AAK1: variants seen among roughly 807,000 people sequenced by gnomAD.
The protein encoded by AAK1 is AP2 associated kinase 1.
In AAK1, 37 loss-of-function variants were observed where a neutral mutation model predicts 116.0. The observed-to-expected ratio is 0.32, with a 90% CI of 0.25 to 0.42. The LOEUF (loss-of-function observed/expected upper bound fraction) is 0.42. Ranked by LOEUF, AAK1 falls within the 10% of genes least tolerant of loss-of-function variation. The pLI, the probability that AAK1 is intolerant of heterozygous loss-of-function variation, is 1.00. For synonymous variants in AAK1, 458 were observed against 439.9 expected (o/e 1.04, Z -0.51); for missense variants, 919 against 1,170.6 (o/e 0.79, Z 3.14).
chr2:69,627,774 C>T (rs1204379667), intron 2 of AAK1, among the ~76,000 whole-genome samples: 2 of 152,174 alleles, frequency 1.3e-5, no homozygotes, highest in African/African-American at 4.8e-5. Context: ...GGTTTTATGA[C>T]AACTCCCACT....
chr2:69,549,157 T>G (rs1671065646), intron 3 of AAK1, among the ~76,000 whole-genome samples: 1 of 151,958 alleles, frequency 6.6e-6, no homozygotes, highest in Non-Finnish European at 1.5e-5. Context: ...TTACCTGAGG[T>G]CAGGAGTTCG....
chr2:69,471,797 T>C lies in AAK1; in HGVS notation c.*4072A>G. ...AAAGATCCCTTCATTCCCACAGCAC[T>C]GCTGAAGGCAGAACTGTTCCTAACC... On this transcript the variant is annotated 3_prime_UTR_variant, in exon 22 of 22. Transcript: ENST00000409085. The C allele has an allele frequency of 3.0e-6, 3 of 985,492 alleles. No individual in the cohort carries two copies. Among genetic ancestry groups the C allele is most frequent in the Non-Finnish European group, 3.6e-6 (3 of 829,952 alleles). 61.0% of individuals were successfully genotyped at this position (985,492 alleles called of 1,614,324 possible).
chr2:69,548,088 G>T (rs918034725), intron 3 of AAK1, among the ~76,000 whole-genome samples: 5 of 152,150 alleles, frequency 3.3e-5, no homozygotes, highest in African/African-American at 1.2e-4. Context: ...CTGTGGAGAG[G>T]GGGAATAAGG....
intron 2 of AAK1, among the ~76,000 whole-genome samples, chr2:69,561,115 A>G (rs1205803463): frequency 6.6e-6 from 1 of 152,216 alleles, no homozygotes; most frequent in East Asian, 1.9e-4. Context: ...AATGCTGTTC[A>G]GGTCACCATA....
At chr2:69,607,663 A>T (rs1673869848) in intron 2 of AAK1, among the ~76,000 whole-genome samples, 1 of 152,114 alleles carries the variant, frequency 6.6e-6, no homozygotes, top group Non-Finnish European at 1.5e-5. Flanking sequence ...CCTATTTCTA[A>T]CTCAGTAATT....
At chr2:69,482,407 T>A in intron 18 of AAK1, 1 of 580,070 alleles carries the variant, frequency 1.7e-6, no homozygotes, top group Non-Finnish European at 3.1e-6. Context: ...TCAGTAAAGG[T>A]AGTCTAGTTA....
At position 69,587,207 on chromosome 2, in the gene AAK1, C is replaced by G. The variant is rs114277529; in HGVS notation, c.164-30229G>C. Among the ~76,000 whole-genome samples the G allele has an allele frequency of 9.4e-3, 1,419 of 151,678 alleles. 20 individuals are homozygous for G. The highest frequency in any genetic ancestry group is 0.031 in the African/African-American group (1,275 of 41,292). On this transcript the variant is annotated intron_variant, in intron 2 of 21. Transcript: ENST00000409085. ...TCAAGCAATCCTTCCATCTCAGCCT[C>G]TCGAATAGCTAGGACTACAGGGGCT...
intron 2 of AAK1, among the ~76,000 whole-genome samples, chr2:69,635,418 A>T (rs1350551093): frequency 6.6e-6 from 1 of 152,242 alleles, no homozygotes; most frequent in Admixed American, 6.5e-5. Context: ...TAGGATTACC[A>T]TATGACCTAG....
At chr2:69,641,268 G>C (rs1287590381) in intron 2 of AAK1, among the ~76,000 whole-genome samples, 1 of 152,204 alleles carries the variant, frequency 6.6e-6, no homozygotes, top group African/African-American at 2.4e-5. Flanking sequence ...GGGGAGGAAA[G>C]TGTTCTGTGG....
Position 69,469,376 on chromosome 2 carries a change from G to T in AAK1, c.*6493C>A. 4.1e-6 allele frequency: 4 copies of T among 985,444 alleles called. No individual in the cohort carries two copies. The highest frequency in any genetic ancestry group is 3.6e-6 in the Non-Finnish European group (3 of 829,932). 61.0% of individuals were successfully genotyped at this position (985,444 alleles called of 1,614,324 possible). A position where few individuals can be genotyped will look rare whatever the true frequency, so the allele number is the denominator to read the frequency against. ...AAACAGAAGGTAACCATTAAATCTTGTTGGCAGATAAAAGTCTTTTTTTGA... is the reference window on the plus strand; with the variant it reads ...AAACAGAAGGTAACCATTAAATCTTTTTGGCAGATAAAAGTCTTTTTTTGA... On this transcript the variant is annotated 3_prime_UTR_variant, in exon 22 of 22. Transcript: ENST00000409085.
chr2:69,471,730 T>C lies in AAK1; in HGVS notation c.*4139A>G. The C allele has an allele frequency of 2.0e-6, 2 of 985,484 alleles. No individual in the cohort carries two copies. The highest frequency in any genetic ancestry group is 2.4e-6 in the Non-Finnish European group (2 of 829,942). 61.0% of individuals were successfully genotyped at this position (985,484 alleles called of 1,614,324 possible). A position where few individuals can be genotyped will look rare whatever the true frequency, so the allele number is the denominator to read the frequency against. On this transcript the variant is annotated 3_prime_UTR_variant, in exon 22 of 22. Transcript: ENST00000409085. ...AAGGTATCTATAGCATGTATTTATTTAGCTGAGTGCAGATCCCTCCACATC... is the reference window on the plus strand; with the variant it reads ...AAGGTATCTATAGCATGTATTTATTCAGCTGAGTGCAGATCCCTCCACATC...
rs1674513227 is a variant in AAK1, at chr2:69,467,104, A to G, written c.*8765T>C. The G allele has an allele frequency of 1.0e-6, 1 of 985,430 alleles. No individual in the cohort carries two copies. Among genetic ancestry groups the G allele is most frequent in the Non-Finnish European group, 1.2e-6 (1 of 829,916 alleles). 61.0% of individuals were successfully genotyped at this position (985,430 alleles called of 1,614,324 possible). On this transcript the variant is annotated 3_prime_UTR_variant, in exon 22 of 22. Transcript: ENST00000409085. ...ACAAGCACTACTCAAAGAGCATACG[A>G]GTGCCCAAAATATAAATACTGAAGG...
chr2:69,617,010 G>T (rs1170374427), intron 2 of AAK1, among the ~76,000 whole-genome samples: 1 of 152,094 alleles, frequency 6.6e-6, no homozygotes, highest in Non-Finnish European at 1.5e-5. Flanking sequence ...CCTATCCCCA[G>T]TGTATGGTAA....
intron 2 of AAK1, among the ~76,000 whole-genome samples, chr2:69,610,014 G>A (rs370951433): frequency 0.01 from 1,407 of 137,916 alleles, 21 homozygotes; most frequent in African/African-American, 0.035. Flanking sequence ...TCACACCACT[G>A]CACTCCAGCC....
chr2:69,544,065 C>T (rs573118103), intron 4 of AAK1, among the ~76,000 whole-genome samples: 116 of 152,302 alleles, frequency 7.6e-4, no homozygotes, highest in African/African-American at 2.7e-3. Context: ...AAAGAGAACA[C>T]ACAAGTGAGG....
intron 3 of AAK1, among the ~76,000 whole-genome samples, chr2:69,552,709 G>A (rs754932138): frequency 5.3e-5 from 8 of 151,028 alleles, no homozygotes; most frequent in African/African-American, 1.2e-4. Flanking sequence ...AGAAGACTCC[G>A]TCTCAAAAAA....
intron 2 of AAK1, among the ~76,000 whole-genome samples, chr2:69,560,549 A>G (rs1307114737): frequency 6.6e-6 from 1 of 152,186 alleles, no homozygotes; most frequent in African/African-American, 2.4e-5. Context: ...ATTGAATCAT[A>G]AAGATAAAAA....
At chr2:69,619,670 G>T (rs183460126) in intron 2 of AAK1, among the ~76,000 whole-genome samples, 2 of 152,162 alleles carry the variant, frequency 1.3e-5, no homozygotes, top group African/African-American at 2.4e-5. Context: ...TTAATGGAAT[G>T]GTCAGGGAAG....
At chr2:69,574,665 A>G (rs1672228391) in intron 2 of AAK1, among the ~76,000 whole-genome samples, 1 of 152,158 alleles carries the variant, frequency 6.6e-6, no homozygotes, top group South Asian at 2.1e-4. Context: ...TATAGCTAGT[A>G]AAATATTGAA....
Sources: gnomAD v4.1 joint callset for allele counts (sites outside exome capture counted in the v4.1 genomes callset) on GRCh38, gnomAD v4.1.1 for gene constraint, MANE v1.5 for transcripts, NCBI Gene and HGNC (gene_info 2026-07-23, HGNC 2026-07-21) for gene names.